CSGALNACT1: variants seen among roughly 807,000 people sequenced by gnomAD.
CSGALNACT1 encodes chondroitin sulfate N-acetylgalactosaminyltransferase 1.
Under a neutral mutation model 51.0 loss-of-function variants are expected in CSGALNACT1, and 52 were observed. That is an observed-to-expected ratio of 1.02 (90% CI 0.82 to 1.29). The LOEUF is 1.29. Among genes scored for constraint, CSGALNACT1 ranks in the 50% most tolerant of loss-of-function variants. The pLI is 0.00. For synonymous variants in CSGALNACT1, 341 were observed against 254.4 expected, an observed-to-expected ratio of 1.34 and a Z score of -3.24; for missense variants, 935 against 679.2, an observed-to-expected ratio of 1.38 and a Z score of -4.19.
intron 3 of CSGALNACT1, among the ~76,000 whole-genome samples, chr8:19,530,143 C>T (rs915783966): frequency 6.6e-6 from 1 of 152,092 alleles, no homozygotes; most frequent in African/African-American, 2.4e-5. Flanking sequence ...ATTGCATGAA[C>T]CCAGGAGGCA....
chr8:19,528,915 T>G (rs1374847621), intron 3 of CSGALNACT1, among the ~76,000 whole-genome samples: 1 of 152,192 alleles, frequency 6.6e-6, no homozygotes, highest in East Asian at 1.9e-4. Context: ...AGAAGTGGGA[T>G]GTGACTGGGG....
chr8:19,485,673 C>T (rs1041374907), intron 4 of CSGALNACT1, among the ~76,000 whole-genome samples: 1 of 150,458 alleles, frequency 6.6e-6, no homozygotes, highest in African/African-American at 2.4e-5. Flanking sequence ...TTCCTCCATT[C>T]CCTTTTACTT....
chr8:19,744,793 T>G (rs1157426022), intron 1 of CSGALNACT1, among the ~76,000 whole-genome samples: 1 of 152,232 alleles, frequency 6.6e-6, no homozygotes, highest in East Asian at 1.9e-4. Context: ...TGTTGACTAT[T>G]AAATTGCTAC....
At chr8:19,439,512 C>T (rs1185462490) in intron 6 of CSGALNACT1, among the ~76,000 whole-genome samples, 3 of 152,130 alleles carry the variant, frequency 2.0e-5, no homozygotes, top group African/African-American at 7.2e-5. Context: ...AAGAAGTCCC[C>T]ACATCTATAG....
chr8:19,568,376 T>C (rs1401845586), intron 3 of CSGALNACT1, among the ~76,000 whole-genome samples: 2 of 152,166 alleles, frequency 1.3e-5, no homozygotes, highest in Admixed American at 1.3e-4. Flanking sequence ...AAATATGGTA[T>C]TATAATCTTA....
At chr8:19,421,415 C>G (rs2057909673) in intron 6 of CSGALNACT1, among the ~76,000 whole-genome samples, 2 of 152,170 alleles carry the variant, frequency 1.3e-5, no homozygotes, top group Non-Finnish European at 2.9e-5. Flanking sequence ...CATTCCATGC[C>G]CAGTGGGACA....
chr8:19,667,564 C>G (rs185219370), intron 1 of CSGALNACT1, among the ~76,000 whole-genome samples: 2 of 152,152 alleles, frequency 1.3e-5, no homozygotes, highest in African/African-American at 4.8e-5. Context: ...GTGTTCCACC[C>G]CCTTTGAACC....
At chr8:19,517,776 C>A (rs2079853508) in intron 3 of CSGALNACT1, among the ~76,000 whole-genome samples, 1 of 152,184 alleles carries the variant, frequency 6.6e-6, no homozygotes, top group Admixed American at 6.5e-5. Context: ...GGGGAAACCA[C>A]ACCCATGATT....
chr8:19,659,099 G>A (rs1410752927), intron 1 of CSGALNACT1, among the ~76,000 whole-genome samples: 2 of 151,422 alleles, frequency 1.3e-5, no homozygotes, highest in Non-Finnish European at 3.0e-5. Flanking sequence ...TCTTTACCAT[G>A]TACATTTTCT....
intron 3 of CSGALNACT1, among the ~76,000 whole-genome samples, chr8:19,512,432 T>C (rs1218272844): frequency 2.0e-5 from 3 of 152,214 alleles, no homozygotes; most frequent in African/African-American, 7.2e-5. Flanking sequence ...AATAAATGTT[T>C]GTTACTTTAA....
chr8:19,596,448 C>A (rs189680272), intron 2 of CSGALNACT1, among the ~76,000 whole-genome samples: 1 of 152,046 alleles, frequency 6.6e-6, no homozygotes, highest in Non-Finnish European at 1.5e-5. Context: ...CATTTCTGCT[C>A]TTAATCACAA....
intron 1 of CSGALNACT1, among the ~76,000 whole-genome samples, chr8:19,656,360 A>G (rs2058271609): frequency 6.6e-6 from 1 of 152,162 alleles, no homozygotes; most frequent in South Asian, 2.1e-4. Context: ...CCATTTTTAT[A>G]TGGCCTGAAA....
intron 1 of CSGALNACT1, among the ~76,000 whole-genome samples, chr8:19,616,035 A>G (rs1341576567): frequency 6.6e-6 from 1 of 152,228 alleles, no homozygotes; most frequent in Non-Finnish European, 1.5e-5. Flanking sequence ...GACACTGTGG[A>G]TATACAAGAT....
intron 1 of CSGALNACT1, among the ~76,000 whole-genome samples, chr8:19,709,820 G>T (rs1468929040): frequency 6.6e-6 from 1 of 152,144 alleles, no homozygotes; most frequent in East Asian, 1.9e-4. Context: ...AGGATGACAG[G>T]CAGGTCAGGT....
chr8:19,727,266 C>T (rs1009275970), intron 1 of CSGALNACT1, among the ~76,000 whole-genome samples: 1 of 152,182 alleles, frequency 6.6e-6, no homozygotes, highest in Admixed American at 6.5e-5. Flanking sequence ...CTCCCTTTAA[C>T]TATTTTCTTT....
chr8:19,468,061 G>GT (rs1206558416), intron 4 of CSGALNACT1, among the ~76,000 whole-genome samples: 1 of 152,186 alleles, frequency 6.6e-6, no homozygotes, highest in Non-Finnish European at 1.5e-5. Flanking sequence ...GAGAAAGACA[G>GT]GTAAACAGAA....
intron 1 of CSGALNACT1, among the ~76,000 whole-genome samples, chr8:19,669,760 C>A (rs985342260): frequency 2.0e-5 from 3 of 152,226 alleles, no homozygotes; most frequent in African/African-American, 7.2e-5. Flanking sequence ...CAGGCATGGG[C>A]CACTGTGCCC....
chr8:19,472,386 G>A (rs1456572940), intron 4 of CSGALNACT1, among the ~76,000 whole-genome samples: 2 of 152,130 alleles, frequency 1.3e-5, no homozygotes, highest in Non-Finnish European at 2.9e-5. Context: ...CATTGACCTC[G>A]TCCATATGCA....
chr8:19,637,822 C>G (rs1310285574), intron 1 of CSGALNACT1, among the ~76,000 whole-genome samples: 3 of 148,828 alleles, frequency 2.0e-5, no homozygotes, highest in Non-Finnish European at 4.4e-5. Context: ...AGAATGTTCT[C>G]GAAATCAGCC....
Sources: gnomAD v4.1 joint callset for allele counts (sites outside exome capture counted in the v4.1 genomes callset) on GRCh38, gnomAD v4.1.1 for gene constraint, MANE v1.5 for transcripts, NCBI Gene and HGNC (gene_info 2026-07-23, HGNC 2026-07-21) for gene names.